The following DNM3 variants were observed in gnomAD, a reference collection of about 807,000 sequenced individuals.
DNM3 encodes dynamin-3.
Under a neutral mutation model 101.6 loss-of-function variants are expected in DNM3, and 47 were observed. The observed-to-expected ratio is 0.46, with a 90% CI of 0.37 to 0.59. The LOEUF is 0.59. DNM3 is among the 20% of genes least tolerant of loss of function. The pLI, the probability that DNM3 is intolerant of heterozygous loss-of-function variation, is 0.00. For synonymous variants in DNM3, 385 were observed against 387.9 expected, an observed-to-expected ratio of 0.99 and a Z score of 0.09; for missense variants, 849 against 1,085.7, an observed-to-expected ratio of 0.78 and a Z score of 3.06.
chr1:171,941,617 A>G (rs370310222), intron 2 of DNM3, among the ~76,000 whole-genome samples: 1 of 152,148 alleles, frequency 6.6e-6, no homozygotes, highest in South Asian at 2.1e-4. Flanking sequence ...ATTGACTGGT[A>G]TATTTGTGTT....
intron 2 of DNM3, among the ~76,000 whole-genome samples, chr1:171,955,947 G>A (rs994743817): frequency 6.6e-6 from 1 of 152,142 alleles, no homozygotes; most frequent in Non-Finnish European, 1.5e-5. Flanking sequence ...TCAATCTCAT[G>A]AGGCTTCTTC....
chr1:172,050,745 T>C (rs892562488), intron 10 of DNM3, among the ~76,000 whole-genome samples: 3 of 152,194 alleles, frequency 2.0e-5, no homozygotes, highest in Non-Finnish European at 2.9e-5. Context: ...ATGTGGTTTA[T>C]GTAAGACAGA....
intron 17 of DNM3, among the ~76,000 whole-genome samples, chr1:172,324,147 C>T (rs2065844571): frequency 6.6e-6 from 1 of 152,144 alleles, no homozygotes; most frequent in Non-Finnish European, 1.5e-5. Context: ...AGAAGATGGT[C>T]TTACGTTTAG....
chr1:172,056,582 C>G (rs1256936383), intron 10 of DNM3, among the ~76,000 whole-genome samples: 42 of 152,264 alleles, frequency 2.8e-4, no homozygotes, highest in South Asian at 2.5e-3. Context: ...AGCAGGGGCA[C>G]ACTGACACCT....
intron 1 of DNM3, among the ~76,000 whole-genome samples, chr1:171,921,218 G>T (rs2040142589): frequency 6.6e-6 from 1 of 151,972 alleles, no homozygotes; most frequent in Non-Finnish European, 1.5e-5. Context: ...ATAGTGCTGG[G>T]ATTACAGGTG....
intron 2 of DNM3, among the ~76,000 whole-genome samples, chr1:171,975,670 C>T (rs1222049439): frequency 2.0e-5 from 3 of 152,124 alleles, no homozygotes; most frequent in Admixed American, 2.0e-4. Context: ...AATGATGTTA[C>T]AATGTTGCAG....
At chr1:172,134,893 A>C (rs1323800943) in intron 14 of DNM3, among the ~76,000 whole-genome samples, 2 of 152,116 alleles carry the variant, frequency 1.3e-5, no homozygotes, top group Admixed American at 6.5e-5. Context: ...CTGGAGCAAA[A>C]AGAGAAAGGC....
At chr1:172,165,023 T>G (rs572234608) in intron 14 of DNM3, among the ~76,000 whole-genome samples, 2 of 152,216 alleles carry the variant, frequency 1.3e-5, no homozygotes, top group East Asian at 3.9e-4. Flanking sequence ...CTGGTCATTT[T>G]AACCAAGAGT....
At chr1:172,089,812 G>A (rs1572460725) in intron 12 of DNM3, among the ~76,000 whole-genome samples, 1 of 152,134 alleles carries the variant, frequency 6.6e-6, no homozygotes, top group Non-Finnish European at 1.5e-5. Context: ...TTTATCTAGT[G>A]TAGCTTATAA....
chr1:172,163,574 G>C (rs749330095), intron 14 of DNM3, among the ~76,000 whole-genome samples: 1 of 151,830 alleles, frequency 6.6e-6, no homozygotes, highest in East Asian at 1.9e-4. Context: ...TGTACAGTAG[G>C]TTTCCGGAAC....
intron 13 of DNM3, among the ~76,000 whole-genome samples, chr1:172,095,325 A>T (rs1326911670): frequency 6.6e-6 from 1 of 152,192 alleles, no homozygotes; most frequent in Non-Finnish European, 1.5e-5. Flanking sequence ...ATCCTCTCAC[A>T]TCAGATCAGG....
intron 2 of DNM3, among the ~76,000 whole-genome samples, chr1:171,962,967 A>G (rs1170789791): frequency 1.3e-5 from 2 of 152,156 alleles, no homozygotes; most frequent in East Asian, 3.9e-4. Flanking sequence ...CCACTTTGGA[A>G]GACAGTTCAG....
At chr1:172,183,229 C>T (rs950284228) in intron 14 of DNM3, among the ~76,000 whole-genome samples, 9 of 152,060 alleles carry the variant, frequency 5.9e-5, no homozygotes, top group African/African-American at 2.2e-4. Context: ...CCACATACTA[C>T]CCAATAGAGA....
At chr1:172,239,795 T>TTCC (rs1198576120) in intron 14 of DNM3, among the ~76,000 whole-genome samples, 1 of 50,400 alleles carries the variant, frequency 2.0e-5, no homozygotes, top group Non-Finnish European at 4.2e-5. Context: ...TGTCTTTTTT[T>TTCC]TTCTCTTTTT....
intron 4 of DNM3, among the ~76,000 whole-genome samples, chr1:171,994,915 T>C (rs1181160121): frequency 1.3e-5 from 2 of 151,978 alleles, no homozygotes; most frequent in East Asian, 3.9e-4. Context: ...GTTACAATTG[T>C]CTGAAAATTG....
intron 11 of DNM3, among the ~76,000 whole-genome samples, chr1:172,081,187 C>T (rs1169527945): frequency 1.3e-5 from 2 of 152,166 alleles, no homozygotes; most frequent in Non-Finnish European, 2.9e-5. Flanking sequence ...GCTTTGAACT[C>T]CTGGGCTCAA....
At chr1:171,928,324 C>A (rs1035409292) in intron 2 of DNM3, among the ~76,000 whole-genome samples, 3 of 152,142 alleles carry the variant, frequency 2.0e-5, no homozygotes, top group Non-Finnish European at 2.9e-5. Flanking sequence ...CTTCTCACTG[C>A]CACTCTGGTG....
intron 15 of DNM3, among the ~76,000 whole-genome samples, chr1:172,265,497 A>G (rs1289005184): frequency 6.6e-6 from 1 of 152,160 alleles, no homozygotes; most frequent in Non-Finnish European, 1.5e-5. Flanking sequence ...TAAAGATGGC[A>G]TCATAGATAT....
intron 14 of DNM3, among the ~76,000 whole-genome samples, chr1:172,172,213 G>C (rs946367420): frequency 6.6e-6 from 1 of 151,632 alleles, no homozygotes; most frequent in African/African-American, 2.4e-5. Context: ...CTTCATAGGT[G>C]TGTCTCCAGG....
Sources: allele counts gnomAD v4.1 joint callset (sites outside exome capture counted in the v4.1 genomes callset), GRCh38; gene constraint gnomAD v4.1.1; transcripts MANE v1.5; gene names NCBI Gene and HGNC (gene_info 2026-07-23, HGNC 2026-07-21).